GLIS3: variants seen among roughly 807,000 people sequenced by gnomAD.
The protein encoded by GLIS3 is GLIS family zinc finger 3.
Under a neutral mutation model 78.6 loss-of-function variants are expected in GLIS3, and 53 were observed. That is an observed-to-expected ratio of 0.67 (90% CI 0.54 to 0.85). GLIS3 has a LOEUF of 0.85. Ranked by LOEUF, GLIS3 falls within the 40% of genes least tolerant of loss-of-function variation. The pLI is 0.00. For missense variants in GLIS3, 1,703 were observed against 1,231.1 expected (o/e 1.38, Z -5.74); for synonymous variants, 684 against 509.9 (o/e 1.34, Z -4.60).
chr9:3,980,221 T>C (rs1310670254), intron 4 of GLIS3, among the ~76,000 whole-genome samples: 1 of 152,222 alleles, frequency 6.6e-6, no homozygotes, highest in Non-Finnish European at 1.5e-5. Context: ...CTAGTGTAAA[T>C]GGCTTTTTGT....
In GLIS3 at chr9:3,869,891, C is replaced by T. The variant is rs545679609; in HGVS notation, c.2297+9536G>A. On this transcript the variant is annotated intron_variant, in intron 8 of 10. Transcript: ENST00000381971. ...AGATCCAAGGGATTCATCAAGGGAA[C>T]TTGATTTTGTGAACTGTGAGAGGCA... 2.6e-5 allele frequency among the ~76,000 whole-genome samples: 4 copies of T among 152,290 alleles called. No homozygotes were observed. In the South Asian group the frequency reaches 6.2e-4, roughly 24 times the overall value.
At chr9:4,234,137 A>G (rs1822511886) in intron 2 of GLIS3, among the ~76,000 whole-genome samples, 1 of 152,154 alleles carries the variant, frequency 6.6e-6, no homozygotes, top group South Asian at 2.1e-4. Flanking sequence ...CAATGAGGAT[A>G]TTTTGCTTCC....
chr9:3,902,911 G>A (rs1021027617), intron 6 of GLIS3, among the ~76,000 whole-genome samples: 8 of 152,148 alleles, frequency 5.3e-5, no homozygotes. Flanking sequence ...TAGTGACTTT[G>A]GGCATCTAGT....
At chr9:3,915,812 T>G (rs117998896) in intron 6 of GLIS3, among the ~76,000 whole-genome samples, 2,945 of 152,272 alleles carry the variant, frequency 0.019, 44 homozygotes, top group Non-Finnish European at 0.031. Flanking sequence ...CTGGTAATTT[T>G]TAGTTCACTA....
the GLIS3 span, among the ~76,000 whole-genome samples, chr9:4,379,957 G>C: frequency 8.9e-6 from 1 of 112,206 alleles, no homozygotes; most frequent in African/African-American, 3.3e-5. Context: ...GAGGCAGACA[G>C]AGTGAAAGAC....
chr9:4,008,228 C>T (rs1821716939), intron 4 of GLIS3, among the ~76,000 whole-genome samples: 1 of 152,150 alleles, frequency 6.6e-6, no homozygotes, highest in Non-Finnish European at 1.5e-5. Context: ...ACAGTCCCAG[C>T]AATACATCCT....
the GLIS3 span, among the ~76,000 whole-genome samples, chr9:4,468,938 G>A: frequency 6.6e-6 from 1 of 152,118 alleles, no homozygotes; most frequent in Non-Finnish European, 1.5e-5. Context: ...AGGGATGGAG[G>A]AAGATCTACC....
intron 2 of GLIS3, among the ~76,000 whole-genome samples, chr9:4,240,120 A>G (rs1304552368): frequency 6.6e-6 from 1 of 150,730 alleles, no homozygotes; most frequent in East Asian, 2.0e-4. Flanking sequence ...CACCATCTAA[A>G]GCAGCGGTCT....
chr9:4,207,097 T>G (rs968410292), intron 2 of GLIS3, among the ~76,000 whole-genome samples: 37 of 152,186 alleles, frequency 2.4e-4, no homozygotes, highest in Admixed American at 2.6e-4. Context: ...CATCCCTACC[T>G]CTGGGCTACA....
At chr9:4,326,778 A>G (rs765468599) in intron 2 of GLIS3, among the ~76,000 whole-genome samples, 34 of 152,144 alleles carry the variant, frequency 2.2e-4, no homozygotes, top group Admixed American at 3.3e-4. Context: ...TTGGAAACAT[A>G]GGCTGGAAGT....
chr9:4,196,736 A>C (rs1036608060), intron 2 of GLIS3, among the ~76,000 whole-genome samples: 2 of 152,144 alleles, frequency 1.3e-5, no homozygotes, highest in Non-Finnish European at 2.9e-5. Context: ...TGTAACACTC[A>C]CCGTGAGGGT....
chr9:3,941,660 G>A (rs1409400424), intron 4 of GLIS3, among the ~76,000 whole-genome samples: 1 of 152,144 alleles, frequency 6.6e-6, no homozygotes, highest in Non-Finnish European at 1.5e-5. Context: ...GGACACATAT[G>A]GGAAAAGGGC....
chr9:3,952,976 A>C (rs1816803192), intron 4 of GLIS3, among the ~76,000 whole-genome samples: 1 of 152,216 alleles, frequency 6.6e-6, no homozygotes, highest in Non-Finnish European at 1.5e-5. Context: ...TAATTTAAAA[A>C]AATCATATTG....
At chr9:4,024,231 G>T (rs1374490918) in intron 4 of GLIS3, among the ~76,000 whole-genome samples, 1 of 152,108 alleles carries the variant, frequency 6.6e-6, no homozygotes, top group African/African-American at 2.4e-5. Flanking sequence ...ACTGTACAGT[G>T]AATTAAATAA....
chr9:4,196,814 C>T (rs533024189), intron 2 of GLIS3, among the ~76,000 whole-genome samples: 50 of 152,288 alleles, frequency 3.3e-4, no homozygotes, highest in African/African-American at 1.1e-3. Flanking sequence ...ACTACAGTTT[C>T]TACCACACAA....
intron 6 of GLIS3, among the ~76,000 whole-genome samples, chr9:3,919,899 T>C (rs2130723711): frequency 6.6e-6 from 1 of 151,858 alleles, no homozygotes; most frequent in East Asian, 1.9e-4. Flanking sequence ...AGCAAACGGG[T>C]ATTTGGTGAT....
intron 4 of GLIS3, among the ~76,000 whole-genome samples, chr9:4,090,222 G>T (rs116938742): frequency 5.8e-4 from 88 of 152,168 alleles, no homozygotes; most frequent in Non-Finnish European, 1.2e-3. Flanking sequence ...ATTATCTTTT[G>T]GGAAACACTA....
chr9:4,182,470 C>T (rs1158067793), intron 2 of GLIS3, among the ~76,000 whole-genome samples: 6 of 152,146 alleles, frequency 3.9e-5, no homozygotes, highest in African/African-American at 7.2e-5. Flanking sequence ...TCCACACTGT[C>T]GGGGATATTT....
At chr9:4,379,811 A>C in the GLIS3 span, among the ~76,000 whole-genome samples, 35 of 152,248 alleles carry the variant, frequency 2.3e-4, 1 homozygote, top group Non-Finnish European at 1.5e-5. Context: ...TTGCTTTTGC[A>C]AAAGACAGGT....
Sources: gnomAD v4.1 joint callset for allele counts (sites outside exome capture counted in the v4.1 genomes callset) on GRCh38, gnomAD v4.1.1 for gene constraint, MANE v1.5 for transcripts, NCBI Gene and HGNC (gene_info 2026-07-23, HGNC 2026-07-21) for gene names.